Variants in GAN observed in about 807,000 individuals in gnomAD.
GAN encodes the protein gigaxonin, also known as epididymis secretory sperm binding protein.
Under a neutral mutation model 71.3 loss-of-function variants are expected in GAN, and 48 were observed. That is an observed-to-expected ratio of 0.67 (90% CI 0.53 to 0.86). GAN has a LOEUF of 0.86. GAN is among the 40% of genes least tolerant of loss of function. GAN has a pLI of 0.00. For synonymous variants in GAN, 386 were observed against 276.8 expected (o/e 1.39, Z -3.92); for missense variants, 928 against 770.1 (o/e 1.21, Z -2.43).
chr16:81,372,527 A>G lies in GAN; in HGVS notation c.1503-4692A>G, dbSNP rs1336680433. On this transcript the variant is annotated intron_variant, in intron 9 of 10. Coordinates refer to ENST00000648994, the MANE Select transcript of GAN (RefSeq NM_022041.4). The stretch of plus-strand genomic sequence containing the variant: ...ACACCTGAAGATGTGATTCAGTTAA[A>G]TTTTCAAATTAGTTCTGTTTCATTT... Among the ~76,000 whole-genome samples, 4 of 152,150 alleles carry G rather than the reference A, an allele frequency of 2.6e-5. No individual in the cohort carries two copies. In the East Asian group the frequency reaches 7.7e-4, roughly 29 times the overall value.
At chr16:81,331,639 C>G (rs1224379130) in intron 1 of GAN, among the ~76,000 whole-genome samples, 1 of 152,194 alleles carries the variant, frequency 6.6e-6, no homozygotes, top group Non-Finnish European at 1.5e-5. Flanking sequence ...GGCTCTTCCC[C>G]ACGTCCCACC....
At chr16:81,349,204 C>T (rs1179711139) in intron 1 of GAN, among the ~76,000 whole-genome samples, 3 of 152,112 alleles carry the variant, frequency 2.0e-5, no homozygotes, top group African/African-American at 4.8e-5. Context: ...ACCCCGACCC[C>T]GTCCTCACCT....
intron 1 of GAN, among the ~76,000 whole-genome samples, chr16:81,329,420 G>A (rs1429993133): frequency 1.3e-5 from 2 of 152,184 alleles, no homozygotes; most frequent in Admixed American, 6.5e-5. Flanking sequence ...AACAGACTCT[G>A]CATCCTCTTC....
intron 2 of GAN, among the ~76,000 whole-genome samples, chr16:81,352,800 G>A (rs1033927403): frequency 1.3e-5 from 2 of 152,154 alleles, no homozygotes; most frequent in African/African-American, 4.8e-5. Context: ...TCTGGGGACA[G>A]CCCAGAGATG....
chr16:81,349,477 C>G (rs1277462089), intron 1 of GAN, among the ~76,000 whole-genome samples: 2 of 152,066 alleles, frequency 1.3e-5, no homozygotes, highest in Admixed American at 1.3e-4. Context: ...AACCCCGTCT[C>G]TACAAAAAGT....
chr16:81,376,802 G>A (rs1904282974), intron 9 of GAN, among the ~76,000 whole-genome samples: 1 of 152,028 alleles, frequency 6.6e-6, no homozygotes, highest in African/African-American at 2.4e-5. Flanking sequence ...CACCTGAACT[G>A]GTAGGTTGAG....
intron 1 of GAN, among the ~76,000 whole-genome samples, chr16:81,330,207 A>G (rs528965689): frequency 6.6e-6 from 1 of 152,218 alleles, no homozygotes; most frequent in African/African-American, 2.4e-5. Flanking sequence ...AGCCCCCGTC[A>G]GTCTCCACAC....
In GAN at chr16:81,354,606, C is replaced by G; in HGVS notation, c.484C>G (p.Arg162Gly). 6.2e-7 allele frequency: 1 copy of G among 1,614,000 alleles called. No individual in the cohort carries two copies. The highest frequency in any genetic ancestry group is 8.5e-7 in the Non-Finnish European group (1 of 1,179,928). The change falls in exon 3 of 11, where the codon CGA becomes GGA. Residue 162 changes from arginine to glycine, a missense_variant. By Grantham distance (125) the Arg-to-Gly change is moderately radical. Transcript: ENST00000648994. ...CACAGAATACCTGGAGACTCATTTCCGAGACGTCAGCAGCACGGAAGAATT... is the reference window on the plus strand; with the variant it reads ...CACAGAATACCTGGAGACTCATTTCGGAGACGTCAGCAGCACGGAAGAATT... ...LATEYLETHF[R>G]DVSSTEEFLE...
At chr16:81,320,866 CAGA>C (rs1283268469) in intron 1 of GAN, among the ~76,000 whole-genome samples, 5 of 152,030 alleles carry the variant, frequency 3.3e-5, no homozygotes, top group Non-Finnish European at 7.4e-5. Context: ...GAAATTTGTC[CAGA>C]AGGTCTTGAT....
intron 9 of GAN, among the ~76,000 whole-genome samples, chr16:81,374,552 C>T (rs375596264): frequency 6.6e-6 from 1 of 152,180 alleles, no homozygotes; most frequent in East Asian, 1.9e-4. Flanking sequence ...TAATGTTTTC[C>T]AATTATTTAT....
In GAN at chr16:81,335,835, T is replaced by C. The variant is rs376978573; in HGVS notation, c.168-15748T>C. On this transcript the variant is annotated intron_variant, in intron 1 of 10. Transcript: ENST00000648994. ...AAGTTTTTTTGGTGAGTAAAAACCG[T>C]AATCTAGGTAAAAAGAATTGGTGGC... Among the ~76,000 whole-genome samples the C allele has an allele frequency of 2.0e-5, 3 of 151,506 alleles. No homozygotes were observed. The East Asian group carries it at 5.8e-4, about 29-fold the overall frequency.
intron 9 of GAN, among the ~76,000 whole-genome samples, chr16:81,376,617 T>A (rs1904281712): frequency 6.6e-6 from 1 of 150,900 alleles, no homozygotes; most frequent in African/African-American, 2.4e-5. Flanking sequence ...TGTATGTATA[T>A]GTATATATAC....
At chr16:81,362,724 C>G (rs1910718248) in intron 6 of GAN, 113 bp downstream of exon 6, 5 of 728,274 alleles carry the variant, frequency 6.9e-6, no homozygotes, top group Non-Finnish European at 1.3e-5. Flanking sequence ...AGCCACCTGC[C>G]TCATTCGCTC....
chr16:81,333,572 G>C (rs545961775), intron 1 of GAN, among the ~76,000 whole-genome samples: 1 of 152,180 alleles, frequency 6.6e-6, no homozygotes, highest in Non-Finnish European at 1.5e-5. Flanking sequence ...GAAACATAAT[G>C]CTAGAGGCTT....
intron 5 of GAN, among the ~76,000 whole-genome samples, chr16:81,360,261 A>T (rs1011980040): frequency 4.6e-5 from 7 of 152,152 alleles, no homozygotes; most frequent in South Asian, 2.1e-4. Flanking sequence ...CTTTTGGTGG[A>T]CAACTCTCAG....
intron 5 of GAN, among the ~76,000 whole-genome samples, chr16:81,358,246 G>C (rs962423616): frequency 6.6e-6 from 1 of 152,160 alleles, no homozygotes; most frequent in African/African-American, 2.4e-5. Flanking sequence ...CTGGAACACA[G>C]CGTTTCTTTG....
At chr16:81,369,974 G>A (rs908518568) in intron 9 of GAN, among the ~76,000 whole-genome samples, 1 of 152,144 alleles carries the variant, frequency 6.6e-6, no homozygotes, top group Non-Finnish European at 1.5e-5. Flanking sequence ...TCACACAAAT[G>A]TTGTATCTTT....
chr16:81,358,242 C>T (rs554585615), intron 5 of GAN, among the ~76,000 whole-genome samples: 8 of 152,208 alleles, frequency 5.3e-5, no homozygotes, highest in Non-Finnish European at 1.2e-4. Flanking sequence ...ACACCTGGAA[C>T]ACAGCGTTTC....
At chr16:81,355,815 A>G (rs1239056969) in intron 3 of GAN, among the ~76,000 whole-genome samples, 5 of 152,200 alleles carry the variant, frequency 3.3e-5, no homozygotes, top group Admixed American at 3.3e-4. Flanking sequence ...GGACTGTTAA[A>G]TTTTGATGAT....
Sources: gnomAD v4.1 joint callset for allele counts (sites outside exome capture counted in the v4.1 genomes callset) on GRCh38, gnomAD v4.1.1 for gene constraint, MANE v1.5 for transcripts, NCBI Gene and HGNC (gene_info 2026-07-23, HGNC 2026-07-21) for gene names.